MALRD1: variants seen among roughly 807,000 people sequenced by gnomAD.
MALRD1 encodes the protein MAM and LDL receptor class A domain containing 1.
Under a neutral mutation model 242.1 loss-of-function variants are expected in MALRD1, and 247 were observed. The ratio of observed to expected loss-of-function variants is 1.02; its 90% CI spans 0.92 to 1.13. MALRD1 has a LOEUF of 1.13. Ranked by LOEUF, MALRD1 falls within the 50% of genes most tolerant of loss-of-function variation. MALRD1 has a pLI of 0.00. For missense variants in MALRD1, 2,989 were observed against 2,533.1 expected (o/e 1.18, Z -3.86); for synonymous variants, 995 against 866.6 (o/e 1.15, Z -2.60).
intron 18 of MALRD1, among the ~76,000 whole-genome samples, chr10:19,245,781 G>A (rs1456615027): frequency 6.6e-6 from 1 of 152,164 alleles, no homozygotes; most frequent in Non-Finnish European, 1.5e-5. Context: ...GATTCTGATG[G>A]TAAGAAAGAC....
chr10:19,262,482 G>A (rs912763561), intron 19 of MALRD1, among the ~76,000 whole-genome samples: 1 of 151,602 alleles, frequency 6.6e-6, no homozygotes, highest in African/African-American at 2.4e-5. Context: ...ATGGTGAAAC[G>A]TGGTCTATAC....
At chr10:19,285,568 T>G (rs1035876937) in intron 21 of MALRD1, among the ~76,000 whole-genome samples, 25 of 151,804 alleles carry the variant, frequency 1.6e-4, no homozygotes, top group Non-Finnish European at 2.6e-4. Flanking sequence ...GTTGTAGATA[T>G]GCGGCGTTAT....
At chr10:19,344,234 G>A (rs779001479) in intron 24 of MALRD1, among the ~76,000 whole-genome samples, 1 of 152,018 alleles carries the variant, frequency 6.6e-6, no homozygotes, top group African/African-American at 2.4e-5. Context: ...ACTTCACCAA[G>A]TCCTAGGTCC....
chr10:19,109,350 T>G lies in MALRD1; in HGVS notation c.694+5275T>G, dbSNP rs1022699202. Reference sequence around the variant, plus strand: ...TGTCAGGGCTGCTCCACTACCGGGTTGGGTGTGGCTTCTTTGCTGATGTTC... The same window carrying G: ...TGTCAGGGCTGCTCCACTACCGGGTGGGGTGTGGCTTCTTTGCTGATGTTC... On this transcript the variant is annotated intron_variant, in intron 5 of 39. Transcript: ENST00000454679. Among the ~76,000 whole-genome samples the G allele has an allele frequency of 2.0e-5, 3 of 152,290 alleles. No homozygotes were observed. The East Asian group carries it at 5.8e-4, about 29-fold the overall frequency.
chr10:19,455,201 A>G (rs1298709524), intron 29 of MALRD1, among the ~76,000 whole-genome samples: 1 of 152,218 alleles, frequency 6.6e-6, no homozygotes, highest in Non-Finnish European at 1.5e-5. Flanking sequence ...TATAAAATGT[A>G]GCAACCATTC....
intron 38 of MALRD1, among the ~76,000 whole-genome samples, chr10:19,708,984 G>C (rs1833989728): frequency 8.2e-6 from 1 of 121,532 alleles, no homozygotes; most frequent in Non-Finnish European, 1.9e-5. Context: ...TTTTGAAATG[G>C]AAACAGTGTA....
intron 18 of MALRD1, among the ~76,000 whole-genome samples, chr10:19,228,157 A>C (rs889363833): frequency 3.3e-5 from 5 of 151,728 alleles, no homozygotes; most frequent in African/African-American, 1.2e-4. Flanking sequence ...AGTTCATAGC[A>C]GATGTGTCCA....
chr10:19,400,172 C>T (rs1046310248), intron 28 of MALRD1, among the ~76,000 whole-genome samples: 19 of 152,134 alleles, frequency 1.2e-4, no homozygotes, highest in Admixed American at 9.2e-4. Context: ...CAAAAAGCAA[C>T]GGTATGGCAT....
intron 26 of MALRD1, among the ~76,000 whole-genome samples, chr10:19,353,516 T>G (rs1844489288): frequency 6.6e-6 from 1 of 152,302 alleles, no homozygotes; most frequent in African/African-American, 2.4e-5. Flanking sequence ...GTATTTTCAT[T>G]TGGTTACAAA....
At position 19,389,436 on chromosome 10, in the gene MALRD1, C is replaced by T. The variant is rs781531564; in HGVS notation, c.4688-16C>T. On this transcript the variant is annotated splice_polypyrimidine_tract_variant and intron_variant, in intron 27 of 39. Coordinates refer to ENST00000454679, the MANE Select transcript of MALRD1 (RefSeq NM_001142308.3). ...TTGTTATTTCGTTCTTCTCTGAATTCTGTCCTTGTTCCTAGGGCACTTCAT... is the reference window on the plus strand; with the variant it reads ...TTGTTATTTCGTTCTTCTCTGAATTTTGTCCTTGTTCCTAGGGCACTTCAT... The T allele has an allele frequency of 4.5e-6, 7 of 1,548,684 alleles. No individual in the cohort carries two copies. Among genetic ancestry groups the T allele is most frequent in the East Asian group, 4.9e-5 (2 of 40,892 alleles).
chr10:19,721,016 C>T (rs914677374), intron 38 of MALRD1, among the ~76,000 whole-genome samples: 3 of 142,754 alleles, frequency 2.1e-5, no homozygotes, highest in African/African-American at 8.7e-5. Context: ...GTTATAAAGC[C>T]AGGGAAGAAA....
chr10:19,667,159 A>G (rs984109007), intron 36 of MALRD1, among the ~76,000 whole-genome samples: 2 of 152,098 alleles, frequency 1.3e-5, no homozygotes, highest in Admixed American at 1.3e-4. Flanking sequence ...AAATTGTGCC[A>G]AAAACTTTGG....
At chr10:19,128,530 A>T in intron 8 of MALRD1, 143 bp downstream of exon 8, 1 of 485,246 alleles carries the variant, frequency 2.1e-6, no homozygotes, top group Non-Finnish European at 3.2e-6. Flanking sequence ...AAAAAGAATG[A>T]TTAAGAAACT....
chr10:19,543,982 C>T (rs1157658901), intron 32 of MALRD1, among the ~76,000 whole-genome samples: 1 of 151,914 alleles, frequency 6.6e-6, no homozygotes, highest in African/African-American at 2.4e-5. Context: ...TGCTACTTGG[C>T]TTTAGTTATG....
intron 21 of MALRD1, among the ~76,000 whole-genome samples, chr10:19,298,308 C>A (rs1259254955): frequency 6.6e-6 from 1 of 151,654 alleles, no homozygotes; most frequent in East Asian, 1.9e-4. Context: ...ACAAGCCATT[C>A]ATAGATAATC....
intron 19 of MALRD1, among the ~76,000 whole-genome samples, chr10:19,264,464 T>C (rs985272210): frequency 5.7e-5 from 7 of 122,762 alleles, no homozygotes; most frequent in African/African-American, 2.5e-4. Context: ...TTCTTTTTTT[T>C]TTTTTTTGAG....
chr10:19,627,702 G>A (rs190884441), intron 36 of MALRD1, among the ~76,000 whole-genome samples: 29 of 148,580 alleles, frequency 2.0e-4, no homozygotes, highest in Non-Finnish European at 3.3e-4. Flanking sequence ...CAGAGGTTTC[G>A]CAGTGAGCCG....
intron 28 of MALRD1, among the ~76,000 whole-genome samples, chr10:19,434,365 A>G (rs1284901882): frequency 2.0e-5 from 3 of 152,166 alleles, no homozygotes; most frequent in Admixed American, 2.0e-4. Flanking sequence ...GTATTTCTCC[A>G]AGAATAATAG....
chr10:19,673,690 A>G (rs1431400258), intron 36 of MALRD1, among the ~76,000 whole-genome samples: 2 of 152,190 alleles, frequency 1.3e-5, no homozygotes, highest in African/African-American at 4.8e-5. Flanking sequence ...AGATTGAAGC[A>G]TGTGGTAAGA....
Sources: gnomAD v4.1 joint callset for allele counts (sites outside exome capture counted in the v4.1 genomes callset) on GRCh38, gnomAD v4.1.1 for gene constraint, MANE v1.5 for transcripts, NCBI Gene and HGNC (gene_info 2026-07-23, HGNC 2026-07-21) for gene names.